VDAC1: variants seen among roughly 807,000 people sequenced by gnomAD.
The protein encoded by VDAC1 is voltage dependent anion channel 1.
In VDAC1, 10 loss-of-function variants were observed where a neutral mutation model predicts 34.7. The ratio of observed to expected loss-of-function variants is 0.29; its 90% CI spans 0.18 to 0.49. The LOEUF (loss-of-function observed/expected upper bound fraction) is 0.49. Ranked by LOEUF, VDAC1 falls within the 20% of genes least tolerant of loss-of-function variation. The pLI is 0.99. For missense variants in VDAC1, 230 were observed against 347.9 expected (o/e 0.66, Z 2.69); for synonymous variants, 130 against 136.0 (o/e 0.96, Z 0.30).
At chr5:133,985,483 G>A (rs1432032558) in intron 5 of VDAC1, among the ~76,000 whole-genome samples, 1 of 152,046 alleles carries the variant, frequency 6.6e-6, no homozygotes, top group African/African-American at 2.4e-5. Flanking sequence ...GAAAAACCCT[G>A]TCTCTACTAA....
At chr5:134,063,807 G>T in the VDAC1 span, among the ~76,000 whole-genome samples, 1 of 152,066 alleles carries the variant, frequency 6.6e-6, no homozygotes, top group Admixed American at 6.6e-5. Flanking sequence ...TAAAATGATT[G>T]TTGTCTAATT....
chr5:134,029,571 C>T, the VDAC1 span, among the ~76,000 whole-genome samples: 12 of 152,154 alleles, frequency 7.9e-5, no homozygotes, highest in Non-Finnish European at 1.5e-4. Flanking sequence ...ACTAGGCAAA[C>T]GTGGCTATTG....
the VDAC1 span, among the ~76,000 whole-genome samples, chr5:134,083,644 C>A: frequency 6.6e-6 from 1 of 152,222 alleles, no homozygotes; most frequent in East Asian, 1.9e-4. Flanking sequence ...CTCAGCTGGC[C>A]GTGGTACCCC....
At chr5:134,037,276 A>G in the VDAC1 span, among the ~76,000 whole-genome samples, 1 of 152,202 alleles carries the variant, frequency 6.6e-6, no homozygotes, top group South Asian at 2.1e-4. Flanking sequence ...TGTGGACCTC[A>G]GATAAGAGGG....
At chr5:134,054,636 A>G in the VDAC1 span, among the ~76,000 whole-genome samples, 1 of 151,268 alleles carries the variant, frequency 6.6e-6, no homozygotes, top group Non-Finnish European at 1.5e-5. Flanking sequence ...ATTTTTTTGT[A>G]TTTTTGTACA....
At chr5:134,006,262 C>T (rs896185420), upstream of VDAC1, among the ~76,000 whole-genome samples, 1 of 152,154 alleles carries the variant, frequency 6.6e-6, no homozygotes, top group African/African-American at 2.4e-5. Flanking sequence ...CTGGTGGTCC[C>T]CACCCCGCAC....
At chr5:134,061,652 C>T in the VDAC1 span, among the ~76,000 whole-genome samples, 3 of 151,544 alleles carry the variant, frequency 2.0e-5, no homozygotes, top group Non-Finnish European at 3.0e-5. Context: ...GGATTATAAG[C>T]GAGAGCCACT....
intron 1 of VDAC1, among the ~76,000 whole-genome samples, chr5:134,000,347 T>C (rs1753497474): frequency 6.6e-6 from 1 of 152,234 alleles, no homozygotes. Flanking sequence ...CCCTGGCAGC[T>C]GGGCCACCAC....
At chr5:134,011,788 C>G in the VDAC1 span, among the ~76,000 whole-genome samples, 1 of 151,984 alleles carries the variant, frequency 6.6e-6, no homozygotes, top group Non-Finnish European at 1.5e-5. Flanking sequence ...TACAGGTGCC[C>G]ACCACCAGGC....
chr5:134,046,973 T>C, the VDAC1 span, among the ~76,000 whole-genome samples: 1 of 152,086 alleles, frequency 6.6e-6, no homozygotes, highest in Non-Finnish European at 1.5e-5. Context: ...GCTTTGGCAA[T>C]GTTTTTGCCA....
At chr5:134,111,316 T>C in the VDAC1 span, among the ~76,000 whole-genome samples, 1 of 152,220 alleles carries the variant, frequency 6.6e-6, no homozygotes, top group Non-Finnish European at 1.5e-5. Context: ...TGCGTGAAGA[T>C]GAAGCCTTAT....
intron 8 of VDAC1, 119 bp from the exon 9 acceptor site, chr5:133,972,981 T>C (rs1404063028): frequency 3.9e-6 from 3 of 762,890 alleles, no homozygotes; most frequent in African/African-American, 1.7e-5. Context: ...CCAAACTACA[T>C]GGCCCTTCAA....
chr5:134,092,320 C>T, the VDAC1 span, among the ~76,000 whole-genome samples: 1 of 152,202 alleles, frequency 6.6e-6, no homozygotes, highest in African/African-American at 2.4e-5. Flanking sequence ...CAGAACATCT[C>T]ACTTCAAAAC....
chr5:134,046,041 T>C, the VDAC1 span, among the ~76,000 whole-genome samples: 1 of 151,566 alleles, frequency 6.6e-6, no homozygotes. Context: ...TTTATTTATT[T>C]TTGAGATGGA....
chr5:134,081,677 C>T, the VDAC1 span, among the ~76,000 whole-genome samples: 1 of 151,974 alleles, frequency 6.6e-6, no homozygotes, highest in Admixed American at 6.6e-5. Flanking sequence ...ACCATAATTC[C>T]AGTCTTAGAA....
intron 8 of VDAC1, 65 bp from the exon 9 acceptor site, chr5:133,972,927 T>G: frequency 7.3e-7 from 1 of 1,376,466 alleles, no homozygotes; most frequent in Non-Finnish European, 1.0e-6. Context: ...ACAAGAAAGA[T>G]TAACACCAAA....
At chr5:133,996,118 G>A (rs974096170) in intron 1 of VDAC1, among the ~76,000 whole-genome samples, 3 of 152,244 alleles carry the variant, frequency 2.0e-5, no homozygotes, top group Non-Finnish European at 4.4e-5. Flanking sequence ...GTCAGAGGGC[G>A]TCCTGGGGGA....
the VDAC1 span, among the ~76,000 whole-genome samples, chr5:134,057,412 G>A: frequency 2.7e-4 from 41 of 152,008 alleles, no homozygotes; most frequent in Admixed American, 2.6e-4. Context: ...CCTGGGAGGC[G>A]GAGGTTGCAG....
intron 3 of VDAC1, 116 bp from the exon 4 acceptor site, chr5:133,991,270 C>A: frequency 7.9e-7 from 1 of 1,266,364 alleles, no homozygotes; most frequent in Non-Finnish European, 1.1e-6. Flanking sequence ...TGTGGGGGGG[C>A]CAAGGCTAAC....
Sources: allele counts gnomAD v4.1 joint callset (sites outside exome capture counted in the v4.1 genomes callset), GRCh38; gene constraint gnomAD v4.1.1; transcripts MANE v1.5; gene names NCBI Gene and HGNC (gene_info 2026-07-23, HGNC 2026-07-21).